The following ERC1 variants were observed in gnomAD, a reference collection of about 807,000 sequenced individuals.
ERC1 encodes RAB6 interacting protein 2.
In ERC1, 56 loss-of-function variants were observed where a neutral mutation model predicts 132.0. That is an observed-to-expected ratio of 0.42 (90% CI 0.34 to 0.53). ERC1 has a LOEUF of 0.53. ERC1 is among the 20% of genes least tolerant of loss of function. The pLI, the probability that ERC1 is intolerant of heterozygous loss-of-function variation, is 0.03. For missense variants in ERC1, 1,202 were observed against 1,349.9 expected, an observed-to-expected ratio of 0.89 and a Z score of 1.72; for synonymous variants, 478 against 476.1, an observed-to-expected ratio of 1.00 and a Z score of -0.05.
intron 17 of ERC1, among the ~76,000 whole-genome samples, chr12:1,410,802 A>T (rs1330671946): frequency 1.3e-5 from 2 of 151,992 alleles, no homozygotes; most frequent in Non-Finnish European, 1.5e-5. Flanking sequence ...GGCAAGGTTT[A>T]TAGTAATTTT....
intron 16 of ERC1, among the ~76,000 whole-genome samples, chr12:1,403,686 G>A (rs1429879185): frequency 6.6e-6 from 1 of 151,970 alleles, no homozygotes; most frequent in Non-Finnish European, 1.5e-5. Flanking sequence ...TTTCAGGCAG[G>A]CATACGTACT....
At chr12:1,228,254 A>G (rs1279487995) in intron 12 of ERC1, among the ~76,000 whole-genome samples, 1 of 150,434 alleles carries the variant, frequency 6.6e-6, no homozygotes, top group Non-Finnish European at 1.5e-5. Context: ...AACAACATTA[A>G]TTGTTTCAAT....
At chr12:1,279,583 A>G (rs575152208) in intron 14 of ERC1, among the ~76,000 whole-genome samples, 260 of 152,220 alleles carry the variant, frequency 1.7e-3, no homozygotes, top group African/African-American at 5.6e-3. Flanking sequence ...CAGTGGAAAC[A>G]AACCTTTGGC....
rs1444217469 is a variant in ERC1 at position 1,154,258 on chromosome 12, T to A, written c.1737+12471T>A. Among the ~76,000 whole-genome samples, 8 of 149,960 alleles carry A rather than the reference T, an allele frequency of 5.3e-5. No homozygotes were observed. The Admixed American group carries it at 5.3e-4, about 10-fold the overall frequency. The stretch of plus-strand genomic sequence containing the variant: ...ATGTATATGTATATGTATATGTATA[T>A]GTGTATATATACACATATACATGTA... On this transcript the variant is annotated intron_variant, in intron 8 of 18. Transcript: ENST00000360905.
At chr12:1,108,330 T>C (rs181533910) in intron 4 of ERC1, among the ~76,000 whole-genome samples, 22 of 152,276 alleles carry the variant, frequency 1.4e-4, no homozygotes, top group Admixed American at 1.4e-3. Context: ...GTAGAGACTT[T>C]CTAGAGGCTC....
chr12:999,074 G>A (rs1049710933), intron 1 of ERC1, among the ~76,000 whole-genome samples: 1 of 151,996 alleles, frequency 6.6e-6, no homozygotes, highest in African/African-American at 2.4e-5. Context: ...TGGCCAGGCT[G>A]GTCTCGAACT....
At chr12:1,124,984 A>G (rs1947994401) in intron 7 of ERC1, among the ~76,000 whole-genome samples, 1 of 151,716 alleles carries the variant, frequency 6.6e-6, no homozygotes, top group South Asian at 2.1e-4. Flanking sequence ...AGGAGAAAAT[A>G]TTTGATATTT....
chr12:1,418,666 T>TTTTCTTTTCTTTC (rs1555077127), intron 17 of ERC1, among the ~76,000 whole-genome samples: 1 of 86,716 alleles, frequency 1.2e-5, no homozygotes, highest in Admixed American at 1.3e-4. Flanking sequence ...TCTCTCTTTC[T>TTTTCTTTTCTTTC]TTTCTTTCTT....
At chr12:996,249 CTTT>C (rs35403554) in intron 1 of ERC1, among the ~76,000 whole-genome samples, 2 of 43,764 alleles carry the variant, frequency 4.6e-5, no homozygotes, top group African/African-American at 1.7e-4. Context: ...CCATGCCTGG[CTTT>C]TTTTTTTTTT....
chr12:1,440,495 C>G lies in ERC1; in HGVS notation c.3025-4067C>G, dbSNP rs138714245. On this transcript the variant is annotated intron_variant, in intron 17 of 18. Transcript: ENST00000360905. ...TGCTGCGATTACAGGTGTGAGCCAC[C>G]GCGCCCGGCCTTTTTTTTTTTTTTT... is the stretch of plus-strand genomic sequence containing the variant. Among the ~76,000 whole-genome samples the G allele has an allele frequency of 1.9e-3, 277 of 147,666 alleles. 7 individuals are homozygous for G. The highest frequency in any genetic ancestry group is 6.1e-3 in the African/African-American group (240 of 39,284).
chr12:1,452,039 C>A (rs1340202230), intron 18 of ERC1, among the ~76,000 whole-genome samples: 1 of 152,164 alleles, frequency 6.6e-6, no homozygotes, highest in Non-Finnish European at 1.5e-5. Context: ...CCTGCTAATA[C>A]TTTGATGTTG....
At chr12:1,055,284 A>G (rs191999111) in intron 2 of ERC1, among the ~76,000 whole-genome samples, 61 of 152,040 alleles carry the variant, frequency 4.0e-4, no homozygotes, top group African/African-American at 1.4e-3. Context: ...GCTTCAAGCA[A>G]TTCTTGTGCC....
At chr12:1,229,477 A>G (rs2074860110) in intron 12 of ERC1, among the ~76,000 whole-genome samples, 1 of 152,124 alleles carries the variant, frequency 6.6e-6, no homozygotes, top group Admixed American at 6.5e-5. Flanking sequence ...TGGACAACAA[A>G]GCAAGAATGA....
intron 7 of ERC1, among the ~76,000 whole-genome samples, chr12:1,123,634 TAAAAG>T (rs1460738149): frequency 2.0e-5 from 3 of 152,170 alleles, no homozygotes; most frequent in South Asian, 2.1e-4. Flanking sequence ...TATATGCTGA[TAAAAG>T]AAACAGTAGA....
intron 7 of ERC1, among the ~76,000 whole-genome samples, chr12:1,127,005 A>AAAAAAAAAAAAC (rs1948255310): frequency 6.7e-6 from 1 of 148,688 alleles, no homozygotes; most frequent in Non-Finnish European, 1.5e-5. Flanking sequence ...AAAAAAAAAA[A>AAAAAAAAAAAAC]AAAAAAAACC....
At chr12:1,380,284 A>G (rs1485871160) in intron 16 of ERC1, 3 of 152,230 alleles carry the variant, frequency 2.0e-5, no homozygotes, top group Non-Finnish European at 4.4e-5. Flanking sequence ...GGGGTGGAGC[A>G]GCAGCCAAAA....
chr12:1,103,658 C>T (rs867225584), intron 3 of ERC1, among the ~76,000 whole-genome samples: 1 of 152,068 alleles, frequency 6.6e-6, no homozygotes, highest in African/African-American at 2.4e-5. Context: ...ATTAAGAAGA[C>T]TCATAGGTTT....
intron 12 of ERC1, among the ~76,000 whole-genome samples, chr12:1,229,496 T>A (rs1014181516): frequency 1.1e-4 from 16 of 151,526 alleles, no homozygotes; most frequent in Admixed American, 2.6e-4. Flanking sequence ...GAATCTCTTT[T>A]AAAAAAAAAG....
At chr12:1,136,896 T>C (rs577135984) in intron 7 of ERC1, among the ~76,000 whole-genome samples, 1 of 152,120 alleles carries the variant, frequency 6.6e-6, no homozygotes, top group South Asian at 2.1e-4. Context: ...TTTATTCTTT[T>C]AGAAAACTTT....
Sources: allele counts gnomAD v4.1 joint callset (sites outside exome capture counted in the v4.1 genomes callset), GRCh38; gene constraint gnomAD v4.1.1; transcripts MANE v1.5; gene names NCBI Gene and HGNC (gene_info 2026-07-23, HGNC 2026-07-21).